YAP1: variants seen among roughly 807,000 people sequenced by gnomAD.
The protein encoded by YAP1 is Yes1 associated transcriptional regulator.
Under a neutral mutation model 56.9 loss-of-function variants are expected in YAP1, and 5 were observed. The observed-to-expected ratio is 0.09, with a 90% CI of 0.05 to 0.18. The LOEUF (loss-of-function observed/expected upper bound fraction) is 0.18. YAP1 is among the 10% of genes least tolerant of loss of function. The probability of loss-of-function intolerance (pLI) is 1.00; values close to 1 mark genes in which losing one functional copy is unlikely to be tolerated. For synonymous variants in YAP1, 265 were observed against 248.1 expected (o/e 1.07, Z -0.64); for missense variants, 539 against 651.8 (o/e 0.83, Z 1.88).
At chr11:102,198,120 C>A (rs1041550807) in intron 4 of YAP1, among the ~76,000 whole-genome samples, 3 of 152,228 alleles carry the variant, frequency 2.0e-5, no homozygotes, top group African/African-American at 7.2e-5. Context: ...AAAGTACTCA[C>A]AATAGTCATC....
chr11:102,159,944 G>C (rs1171962461), intron 2 of YAP1, among the ~76,000 whole-genome samples: 1 of 151,024 alleles, frequency 6.6e-6, no homozygotes, highest in Admixed American at 6.6e-5. Context: ...GTCAAGAAAT[G>C]TATCAGACAT....
intron 2 of YAP1, among the ~76,000 whole-genome samples, chr11:102,144,474 C>CAT: frequency 6.6e-6 from 1 of 152,240 alleles, no homozygotes; most frequent in East Asian, 1.9e-4. Context: ...TTCTAGGATG[C>CAT]ATATTTTTAA....
At chr11:102,145,866 C>A (rs142271608) in intron 2 of YAP1, among the ~76,000 whole-genome samples, 2 of 152,274 alleles carry the variant, frequency 1.3e-5, no homozygotes, top group East Asian at 3.9e-4. Flanking sequence ...ATTGGACTTT[C>A]CAGTATTTGC....
intron 2 of YAP1, among the ~76,000 whole-genome samples, chr11:102,125,272 T>A (rs1253275509): frequency 6.6e-6 from 1 of 152,102 alleles, no homozygotes; most frequent in African/African-American, 2.4e-5. Flanking sequence ...TCCACCCACC[T>A]TGGCCTCCCA....
intron 4 of YAP1, among the ~76,000 whole-genome samples, chr11:102,190,457 C>T (rs1224595709): frequency 1.3e-5 from 2 of 151,408 alleles, no homozygotes; most frequent in Non-Finnish European, 2.9e-5. Flanking sequence ...ATAGTGAAAC[C>T]CCATCTCTAC....
At chr11:102,159,325 A>G (rs1049168573) in intron 2 of YAP1, among the ~76,000 whole-genome samples, 14 of 152,174 alleles carry the variant, frequency 9.2e-5, no homozygotes, top group Admixed American at 5.9e-4. Context: ...TCACATGTCC[A>G]GGCTTCTGGT....
At chr11:102,225,182 T>TA (rs5794160) in intron 7 of YAP1, among the ~76,000 whole-genome samples, 38,528 of 146,860 alleles carry the variant, frequency 0.26, 5,089 homozygotes, top group East Asian at 0.37. Flanking sequence ...TTTTTTTCTT[T>TA]AAAAAAAAAA....
At chr11:102,161,406 C>CA (rs1177254975) in intron 2 of YAP1, among the ~76,000 whole-genome samples, 1 of 149,972 alleles carries the variant, frequency 6.7e-6, no homozygotes, top group Non-Finnish European at 1.5e-5. Flanking sequence ...TAGCCTTGTC[C>CA]AATACATACT....
At chr11:102,153,905 T>C (rs1469003621) in intron 2 of YAP1, among the ~76,000 whole-genome samples, 1 of 152,082 alleles carries the variant, frequency 6.6e-6, no homozygotes, top group East Asian at 1.9e-4. Context: ...ACCTTCTGTG[T>C]AATCCTCATG....
At chr11:102,213,252 A>G (rs957519920) in intron 6 of YAP1, among the ~76,000 whole-genome samples, 2 of 152,174 alleles carry the variant, frequency 1.3e-5, no homozygotes, top group African/African-American at 4.8e-5. Flanking sequence ...TGGGAGGCCA[A>G]GGCGGGTGGA....
intron 2 of YAP1, among the ~76,000 whole-genome samples, chr11:102,155,502 G>T (rs902348377): frequency 7.9e-5 from 12 of 152,190 alleles, no homozygotes; most frequent in African/African-American, 2.9e-4. Context: ...AAGTGGTAAA[G>T]AACACAGAAG....
intron 4 of YAP1, among the ~76,000 whole-genome samples, chr11:102,200,455 T>C (rs1948792054): frequency 6.6e-6 from 1 of 152,018 alleles, no homozygotes; most frequent in Non-Finnish European, 1.5e-5. Context: ...TTTTTTTTTT[T>C]TTTTTTAGAC....
chr11:102,186,937 G>C (rs1232360557), intron 4 of YAP1, among the ~76,000 whole-genome samples: 1 of 151,228 alleles, frequency 6.6e-6, no homozygotes, highest in Non-Finnish European at 1.5e-5. Flanking sequence ...GATAATTGTG[G>C]TTTTGAAGCT....
In YAP1 at chr11:102,223,648, A is replaced by G; in HGVS notation, c.1059A>G (p.Pro353=). ...CQELALRSQL[P]TLEQDGGTQN... Reference sequence around the variant, plus strand: ...AGTTAGCCCTGCGTAGCCAGTTACCAACACTGGAGCAGGATGGTGGGACTC... The same window carrying G: ...AGTTAGCCCTGCGTAGCCAGTTACCGACACTGGAGCAGGATGGTGGGACTC... The change falls in exon 7 of 9, where the codon CCA becomes CCG. Residue 353 remains proline, a synonymous_variant. Transcript: ENST00000282441. The G allele has an allele frequency of 1.2e-6, 2 of 1,614,152 alleles. No individual in the cohort carries two copies. Among genetic ancestry groups the G allele is most frequent in the Non-Finnish European group, 1.7e-6 (2 of 1,180,018 alleles).
chr11:102,110,774 C>G lies in YAP1; in HGVS notation c.-75C>G. 2 of 1,235,692 alleles carry G rather than the reference C, an allele frequency of 1.6e-6. No homozygotes were observed. Among genetic ancestry groups the G allele is most frequent in the Non-Finnish European group, 2.0e-6 (2 of 986,274 alleles). The allele number at this position is 1,235,692 out of a possible 1,614,324, so 76.5% of individuals were successfully genotyped here. On this transcript the variant is annotated 5_prime_UTR_variant, in exon 1 of 9. Transcript: ENST00000282441. ...GCCGTCGCCGCTTCTCCACCTCGGC[C>G]CGTGGAGCCGGGGCGTCCGGGCGTA...
intron 4 of YAP1, among the ~76,000 whole-genome samples, chr11:102,199,157 T>C (rs1948718962): frequency 6.6e-6 from 1 of 152,184 alleles, no homozygotes; most frequent in Admixed American, 6.5e-5. Flanking sequence ...GAGCACCCAC[T>C]ATTCCAGGTG....
At chr11:102,136,820 A>G (rs1372570293) in intron 2 of YAP1, among the ~76,000 whole-genome samples, 1 of 152,162 alleles carries the variant, frequency 6.6e-6, no homozygotes, top group East Asian at 1.9e-4. Flanking sequence ...TTCTGTCCGT[A>G]ATAGTTGCAT....
In YAP1 at chr11:102,173,500, A is replaced by G. The variant is rs558021881; in HGVS notation, c.688+10929A>G. Among the ~76,000 whole-genome samples, 14 of 152,304 alleles carry G rather than the reference A, an allele frequency of 9.2e-5. No homozygotes were observed. The East Asian group carries it at 1.2e-3, about 13-fold the overall frequency. ...ATGAATTTTTAATGTTTAATATATC[A>G]TTGGACCAAAATGGTAGAACTATTC... On this transcript the variant is annotated intron_variant, in intron 3 of 8. Transcript: ENST00000282441.
intron 2 of YAP1, among the ~76,000 whole-genome samples, chr11:102,128,753 CAG>C (rs1211663490): frequency 6.6e-6 from 1 of 152,184 alleles, no homozygotes; most frequent in African/African-American, 2.4e-5. Context: ...GGATTCTGGT[CAG>C]AGAGCCTGGA....
Sources: allele counts gnomAD v4.1 joint callset (sites outside exome capture counted in the v4.1 genomes callset), GRCh38; gene constraint gnomAD v4.1.1; transcripts MANE v1.5; gene names NCBI Gene and HGNC (gene_info 2026-07-23, HGNC 2026-07-21).